The following KLHL29 variants were observed in gnomAD, a reference collection of about 807,000 sequenced individuals.
KLHL29 encodes kelch like family member 29, also known as kelch-like protein 29.
KLHL29 carries 21 observed loss-of-function variants against 80.4 expected under a neutral mutation model. That is an observed-to-expected ratio of 0.26 (90% CI 0.19 to 0.38). The LOEUF (loss-of-function observed/expected upper bound fraction) is 0.38, where lower values mean the gene tolerates loss of function less well. Ranked by LOEUF, KLHL29 falls within the 10% of genes least tolerant of loss-of-function variation. KLHL29 has a pLI of 1.00. For synonymous variants in KLHL29, 511 were observed against 526.8 expected (o/e 0.97, Z 0.41); for missense variants, 867 against 1,223.9 (o/e 0.71, Z 4.35).
At chr2:23,634,962 C>CCTGCA (rs1669570522) in intron 3 of KLHL29, among the ~76,000 whole-genome samples, 1 of 151,962 alleles carries the variant, frequency 6.6e-6, no homozygotes, top group African/African-American at 2.4e-5. Context: ...TGGAGCTTTG[C>CCTGCA]AAAGACAGGG....
At position 23,683,736 on chromosome 2, in the gene KLHL29, G is replaced by C. The variant is rs552451732; in HGVS notation, c.941-663G>C. On this transcript the variant is annotated intron_variant, in intron 5 of 13. Coordinates refer to ENST00000486442, the MANE Select transcript of KLHL29 (RefSeq NM_052920.2). ...CCAGGAGAGGGTGGGTGTCCTGAGAGACTCAACTGGGACATGGGAGGAGGC... is the reference window on the plus strand; with the variant it reads ...CCAGGAGAGGGTGGGTGTCCTGAGACACTCAACTGGGACATGGGAGGAGGC... Among the ~76,000 whole-genome samples, 3 of 152,312 alleles carry C rather than the reference G, an allele frequency of 2.0e-5. No individual in the cohort carries two copies. The East Asian group carries it at 5.8e-4, about 29-fold the overall frequency.
intron 2 of KLHL29, among the ~76,000 whole-genome samples, chr2:23,546,891 A>G (rs1369005725): frequency 1.3e-5 from 2 of 152,238 alleles, no homozygotes; most frequent in African/African-American, 4.8e-5. Flanking sequence ...CAGTAGGACC[A>G]GAGTTGGTCA....
intron 1 of KLHL29, among the ~76,000 whole-genome samples, chr2:23,443,411 A>G (rs1003636529): frequency 6.6e-6 from 1 of 152,238 alleles, no homozygotes; most frequent in African/African-American, 2.4e-5. Flanking sequence ...ACAAATTTTT[A>G]GAATTGTTTT....
chr2:23,429,230 T>A (rs1202208116), intron 1 of KLHL29, among the ~76,000 whole-genome samples: 1 of 152,170 alleles, frequency 6.6e-6, no homozygotes, highest in Non-Finnish European at 1.5e-5. Flanking sequence ...TAAGATCTGT[T>A]CTCTCCATGT....
Position 23,680,763 on chromosome 2 carries a change from T to C in KLHL29, c.941-3636T>C, listed in dbSNP as rs138299362. Reference sequence around the variant, plus strand: ...CTGGGGTCTCTAGGCCATCTTCTCCTGGGGTCTCTAGGCCATCTTCTCCTG... The same window carrying C: ...CTGGGGTCTCTAGGCCATCTTCTCCCGGGGTCTCTAGGCCATCTTCTCCTG... On this transcript the variant is annotated intron_variant, in intron 5 of 13. Transcript: ENST00000486442. This position sits in a 1 kb window ranked among gnomAD's most constrained non-coding sequence, Gnocchi z 4.1. Among the ~76,000 whole-genome samples the C allele has an allele frequency of 0.096, 14,448 of 150,802 alleles. 766 individuals are homozygous for C. Among genetic ancestry groups the C allele is most frequent in the Middle Eastern group, 0.17 (49 of 290 alleles).
chr2:23,455,001 T>TC (rs35011378), intron 1 of KLHL29, among the ~76,000 whole-genome samples: 2 of 126,902 alleles, frequency 1.6e-5, no homozygotes, highest in African/African-American at 6.6e-5. Context: ...AACAGTGGGT[T>TC]GGGGGGGGGG....
chr2:23,603,692 A>T (rs1374424777), intron 3 of KLHL29, among the ~76,000 whole-genome samples: 1 of 152,204 alleles, frequency 6.6e-6, no homozygotes, highest in Admixed American at 6.5e-5. Flanking sequence ...TCCACATCCC[A>T]GCCCTTCCCT....
intron 3 of KLHL29, among the ~76,000 whole-genome samples, chr2:23,614,068 A>T (rs1011439338): frequency 6.6e-6 from 1 of 152,228 alleles, no homozygotes; most frequent in Non-Finnish European, 1.5e-5. Flanking sequence ...ATAGATGCGT[A>T]TCTGACGGCC....
chr2:23,703,162 G>A (rs1407870438), intron 11 of KLHL29, 24 bp from the exon 12 acceptor site: 2 of 1,398,808 alleles, frequency 1.4e-6, no homozygotes, highest in African/African-American at 3.0e-5. Flanking sequence ...CTTGACCCTG[G>A]GCTCTTTTTC....
intron 3 of KLHL29, among the ~76,000 whole-genome samples, chr2:23,619,561 C>G (rs1004559353): frequency 1.3e-5 from 2 of 152,186 alleles, no homozygotes; most frequent in Non-Finnish European, 2.9e-5. Context: ...ATGATAACAG[C>G]AGAGACTGCA....
At chr2:23,459,580 G>A (rs989614900) in intron 1 of KLHL29, among the ~76,000 whole-genome samples, 1 of 152,328 alleles carries the variant, frequency 6.6e-6, no homozygotes, top group African/African-American at 2.4e-5. Flanking sequence ...GTTGTGTTGT[G>A]GAAGCAAAGG....
At chr2:23,618,448 G>A (rs1248669141) in intron 3 of KLHL29, among the ~76,000 whole-genome samples, 8 of 152,148 alleles carry the variant, frequency 5.3e-5, no homozygotes, top group South Asian at 2.1e-4. Context: ...TCAGTCAGTC[G>A]GCCTGAACAG....
chr2:23,694,752 A>G (rs1250699139), intron 8 of KLHL29, among the ~76,000 whole-genome samples: 3 of 151,726 alleles, frequency 2.0e-5, no homozygotes. Context: ...CCTCCCATCC[A>G]CCTTGTGCCT....
intron 2 of KLHL29, among the ~76,000 whole-genome samples, chr2:23,491,849 A>G (rs1665112014): frequency 6.6e-6 from 1 of 152,098 alleles, no homozygotes; most frequent in African/African-American, 2.4e-5. Context: ...GGAAATGGCA[A>G]CACCATCTGC....
intron 3 of KLHL29, among the ~76,000 whole-genome samples, chr2:23,594,990 A>C (rs1190247715): frequency 6.6e-6 from 1 of 152,200 alleles, no homozygotes; most frequent in African/African-American, 2.4e-5. Context: ...CACATAAATA[A>C]TATAGTTTTT....
At position 23,534,624 on chromosome 2, in the gene KLHL29, C is replaced by T. The variant is rs542157315; in HGVS notation, c.-45-27528C>T. Among the ~76,000 whole-genome samples, 239 of 152,292 alleles carry T rather than the reference C, an allele frequency of 1.6e-3. 1 individual carries two copies. Among genetic ancestry groups the T allele is most frequent in the Non-Finnish European group, 3.0e-3 (202 of 68,016 alleles). On this transcript the variant is annotated intron_variant, in intron 2 of 13. Coordinates refer to ENST00000486442, the MANE Select transcript of KLHL29 (RefSeq NM_052920.2). ...TCTGCTCAGTGTCTCTCCAGCTACA[C>T]TGAGCTGCCCCTTTCCTGCCACAGC...
At chr2:23,624,567 T>C (rs1669264174) in intron 3 of KLHL29, among the ~76,000 whole-genome samples, 1 of 152,190 alleles carries the variant, frequency 6.6e-6, no homozygotes, top group African/African-American at 2.4e-5. Flanking sequence ...CCAGAGGTCG[T>C]GATGCTTTGG....
chr2:23,611,562 G>A, intron 3 of KLHL29, among the ~76,000 whole-genome samples: 1 of 152,214 alleles, frequency 6.6e-6, no homozygotes, highest in East Asian at 1.9e-4. Context: ...ATACCATCTT[G>A]ACCTCAAATT....
intron 1 of KLHL29, among the ~76,000 whole-genome samples, chr2:23,409,976 A>G (rs1372317617): frequency 5.9e-5 from 9 of 152,184 alleles, no homozygotes; most frequent in Admixed American, 1.3e-4. Flanking sequence ...GAGGAGATAC[A>G]TGTGCAGGAG....
Sources: gnomAD v4.1 joint callset for allele counts (sites outside exome capture counted in the v4.1 genomes callset) on GRCh38, gnomAD v4.1.1 for gene constraint, Gnocchi (gnomAD v3.1) non-coding constraint, MANE v1.5 for transcripts, NCBI Gene and HGNC (gene_info 2026-07-23, HGNC 2026-07-21) for gene names.